Variants in MAP2 observed in about 807,000 individuals in gnomAD.
MAP2 encodes microtubule associated protein 2.
MAP2 carries 14 observed loss-of-function variants against 137.6 expected under a neutral mutation model. That is an observed-to-expected ratio of 0.10 (90% confidence interval 0.07 to 0.16). The LOEUF (loss-of-function observed/expected upper bound fraction) is 0.16, where lower values mean the gene tolerates loss of function less well. Among genes scored for constraint, MAP2 ranks in the 10% least tolerant of loss-of-function variants. The probability of loss-of-function intolerance (pLI) is 1.00; values close to 1 mark genes in which losing one functional copy is unlikely to be tolerated. For synonymous variants in MAP2, 786 were observed against 782.3 expected, an observed-to-expected ratio of 1.00 and a Z score of -0.08; for missense variants, 2,088 against 2,191.5, an observed-to-expected ratio of 0.95 and a Z score of 0.94.
chr2:209,678,534 CTCA>C (rs756921003), intron 5 of MAP2, 35 bp from the exon 6 acceptor site: 9 of 1,082,496 alleles, frequency 8.3e-6, no homozygotes, highest in South Asian at 1.6e-5. Flanking sequence ...TCTCAGACTT[CTCA>C]TCGTTATATT....
intron 3 of MAP2, among the ~76,000 whole-genome samples, chr2:209,591,426 A>T (rs2079211041): frequency 6.6e-6 from 1 of 152,174 alleles, no homozygotes; most frequent in African/African-American, 2.4e-5. Flanking sequence ...ATCTCCTTCT[A>T]CAAGAATTTA....
intron 2 of MAP2, among the ~76,000 whole-genome samples, chr2:209,542,360 G>A (rs776846106): frequency 6.6e-6 from 1 of 152,210 alleles, no homozygotes; most frequent in Non-Finnish European, 1.5e-5. Context: ...AGCAAAGACA[G>A]AGTAGATTTA....
At chr2:209,578,906 C>T (rs1029699277) in intron 2 of MAP2, among the ~76,000 whole-genome samples, 1 of 28,538 alleles carries the variant, frequency 3.5e-5, no homozygotes, top group Non-Finnish European at 9.1e-4. Context: ...AATCACATAT[C>T]GGCCCTGGTT....
At chr2:209,449,554 TTA>T (rs932424412) in intron 1 of MAP2, among the ~76,000 whole-genome samples, 2 of 148,532 alleles carry the variant, frequency 1.3e-5, no homozygotes, top group Non-Finnish European at 2.9e-5. Context: ...TCAGAACTTG[TTA>T]TATATATATA....
At chr2:209,512,979 T>G (rs1425411658) in intron 2 of MAP2, among the ~76,000 whole-genome samples, 1 of 152,122 alleles carries the variant, frequency 6.6e-6, no homozygotes, top group Admixed American at 6.6e-5. Context: ...TATTTTAAAC[T>G]GGCCAGAAAG....
At chr2:209,715,781 C>T (rs757955323) in intron 13 of MAP2, among the ~76,000 whole-genome samples, 8 of 152,206 alleles carry the variant, frequency 5.3e-5, no homozygotes, top group Non-Finnish European at 7.3e-5. Context: ...CTAGGAACAG[C>T]AAGTACATCA....
chr2:209,727,815 T>A (rs2074604812), intron 14 of MAP2, among the ~76,000 whole-genome samples: 1 of 152,228 alleles, frequency 6.6e-6, no homozygotes, highest in Non-Finnish European at 1.5e-5. Flanking sequence ...TTAAGATATC[T>A]GGATTCTCTA....
chr2:209,702,343 CT>C (rs1462836877), intron 11 of MAP2, among the ~76,000 whole-genome samples: 2 of 151,794 alleles, frequency 1.3e-5, no homozygotes, highest in Non-Finnish European at 2.9e-5. Flanking sequence ...ATTTATTAGT[CT>C]TTTTTTCTTC....
Position 209,731,280 on chromosome 2 carries a change from A to G in MAP2, c.*883A>G, listed in dbSNP as rs1419873284. 6.6e-5 allele frequency: 10 copies of G among 152,334 alleles called. No homozygotes were observed. Among genetic ancestry groups the G allele is most frequent in the Non-Finnish European group, 1.5e-4 (10 of 68,030 alleles). 9.4% of individuals were successfully genotyped at this position (152,334 alleles called of 1,614,324 possible). ...TGTCTCCTGCACCCTTTGGTGTTGC[A>G]ATTTTAGATATGTGAAAGTAGATGT... On this transcript the variant is annotated 3_prime_UTR_variant, in exon 16 of 16. Transcript: ENST00000682079.
chr2:209,524,198 T>A (rs2063689106), intron 2 of MAP2, among the ~76,000 whole-genome samples: 1 of 152,188 alleles, frequency 6.6e-6, no homozygotes, highest in African/African-American at 2.4e-5. Flanking sequence ...ATAAAGGCAT[T>A]CATTTTGAAA....
At chr2:209,646,900 T>C (rs1291091392) in intron 4 of MAP2, among the ~76,000 whole-genome samples, 2 of 152,182 alleles carry the variant, frequency 1.3e-5, no homozygotes, top group Admixed American at 6.5e-5. Context: ...TGGTTACTTA[T>C]TATTCCATTC....
chr2:209,695,351 A>G lies in MAP2; in HGVS notation c.3181A>G (p.Asn1061Asp), dbSNP rs754430555. ...SDFGQMASGLNIDDRRATELK... is the reference protein window; with the variant it reads ...SDFGQMASGLDIDDRRATELK... Reference sequence around the variant, plus strand: ...CTTTGGACAGATGGCTTCAGGGCTAAACATAGATGATAGAAGGGCAACAGA... The same window carrying G: ...CTTTGGACAGATGGCTTCAGGGCTAGACATAGATGATAGAAGGGCAACAGA... Residue 1061 changes from asparagine to aspartate, a missense_variant, in exon 8 of 16, where the codon AAC becomes GAC. Physicochemically the swap from Asn to Asp is conservative, Grantham distance 23. This residue lies in a region of MAP2 where 500 missense variants were observed against 482.9 expected (regional missense o/e 1.04). Transcript: ENST00000682079. 1.2e-6 allele frequency: 2 copies of G among 1,613,948 alleles called. No individual in the cohort carries two copies. Among genetic ancestry groups the G allele is most frequent in the South Asian group, 2.2e-5 (2 of 91,044 alleles).
At chr2:209,712,428 T>C (rs1372323235) in intron 13 of MAP2, among the ~76,000 whole-genome samples, 2 of 152,132 alleles carry the variant, frequency 1.3e-5, no homozygotes, top group Non-Finnish European at 2.9e-5. Context: ...ATCAGGCAAG[T>C]GTTAACCTGC....
At chr2:209,562,850 T>C (rs2072498312) in intron 2 of MAP2, among the ~76,000 whole-genome samples, 1 of 152,164 alleles carries the variant, frequency 6.6e-6, no homozygotes, top group Non-Finnish European at 1.5e-5. Context: ...CCTTAGAATA[T>C]AAAGCAGTTT....
chr2:209,477,890 G>C (rs900707653), intron 1 of MAP2, among the ~76,000 whole-genome samples: 1 of 151,606 alleles, frequency 6.6e-6, no homozygotes, highest in East Asian at 1.9e-4. Flanking sequence ...TGTAGTCCCA[G>C]CTACTGCGGA....
At chr2:209,724,541 GC>G (rs1376528801) in intron 13 of MAP2, among the ~76,000 whole-genome samples, 1 of 151,932 alleles carries the variant, frequency 6.6e-6, no homozygotes, top group Non-Finnish European at 1.5e-5. Flanking sequence ...TAACTCTTTG[GC>G]TACTTGCTTC....
At chr2:209,569,286 T>G (rs1214080636) in intron 2 of MAP2, among the ~76,000 whole-genome samples, 1 of 151,804 alleles carries the variant, frequency 6.6e-6, no homozygotes, top group Non-Finnish European at 1.5e-5. Context: ...AATTTATGCT[T>G]CTTATATGAG....
At chr2:209,640,341 T>A (rs904899400) in intron 4 of MAP2, among the ~76,000 whole-genome samples, 22 of 152,144 alleles carry the variant, frequency 1.4e-4, no homozygotes, top group African/African-American at 5.3e-4. Context: ...TGTCCATTAA[T>A]TTTTTAAATA....
rs190921746 is a variant in MAP2, at chr2:209,589,742, G to T, written c.-107+9642G>T. 7.9e-4 allele frequency among the ~76,000 whole-genome samples: 121 copies of T among 152,304 alleles called. 2 individuals are homozygous for T. The East Asian group carries it at 0.012, about 15-fold the overall frequency. On this transcript the variant is annotated intron_variant, in intron 3 of 15. Transcript: ENST00000682079. ...AAGAAGGATAAATTAATAATTCATTGTTCAGTTCTGAGTTCCACAGAATTT... is the reference window on the plus strand; with the variant it reads ...AAGAAGGATAAATTAATAATTCATTTTTCAGTTCTGAGTTCCACAGAATTT...
Sources: gnomAD v4.1 joint callset for allele counts (sites outside exome capture counted in the v4.1 genomes callset) on GRCh38, gnomAD v4.1.1 for gene constraint, gnomAD v4.1.1 regional missense constraint, MANE v1.5 for transcripts, NCBI Gene and HGNC (gene_info 2026-07-23, HGNC 2026-07-21) for gene names.